The following FBXL7 variants were observed in gnomAD, a reference collection of about 807,000 sequenced individuals.
The protein encoded by FBXL7 is F-box/LRR-repeat protein 7.
Under a neutral mutation model 38.3 loss-of-function variants are expected in FBXL7, and 12 were observed. That is an observed-to-expected ratio of 0.31 (90% CI 0.20 to 0.51). FBXL7 has a LOEUF of 0.51. Ranked by LOEUF, FBXL7 falls within the 20% of genes least tolerant of loss-of-function variation. FBXL7 has a pLI of 0.98. For missense variants in FBXL7, 567 were observed against 676.4 expected, an observed-to-expected ratio of 0.84 and a Z score of 1.79; for synonymous variants, 297 against 300.9, an observed-to-expected ratio of 0.99 and a Z score of 0.13.
At position 15,627,438 on chromosome 5, in the gene FBXL7, A is replaced by C. The variant is rs141150378; in HGVS notation, c.127+11366A>C. On this transcript the variant is annotated intron_variant, in intron 2 of 3. Transcript: ENST00000504595. Reference sequence around the variant, plus strand: ...GGTGTGAAGAGCTGGGAGAAATCTCACTGGGTCCATGTAGGGAAAATGGAA... The same window carrying C: ...GGTGTGAAGAGCTGGGAGAAATCTCCCTGGGTCCATGTAGGGAAAATGGAA... Among the ~76,000 whole-genome samples the C allele has an allele frequency of 4.9e-3, 751 of 152,258 alleles. 4 individuals are homozygous for C. The highest frequency in any genetic ancestry group is 8.8e-3 in the Non-Finnish European group (600 of 68,014).
At chr5:15,633,343 A>AT (rs1741061697) in intron 2 of FBXL7, among the ~76,000 whole-genome samples, 1 of 152,094 alleles carries the variant, frequency 6.6e-6, no homozygotes, top group African/African-American at 2.4e-5. Context: ...CAATTATTTG[A>AT]TTTTGTCAAC....
chr5:15,635,330 T>A (rs1299858879), intron 2 of FBXL7, among the ~76,000 whole-genome samples: 1 of 152,100 alleles, frequency 6.6e-6, no homozygotes, highest in Non-Finnish European at 1.5e-5. Flanking sequence ...GGTCTCTAGG[T>A]AAACAGACCC....
intron 3 of FBXL7, among the ~76,000 whole-genome samples, chr5:15,929,593 C>G (rs1045086712): frequency 1.0e-4 from 15 of 148,904 alleles, no homozygotes; most frequent in Non-Finnish European, 1.2e-4. Flanking sequence ...CACTGCACTC[C>G]AGCCTGGAGG....
chr5:15,662,133 C>G (rs1223572243), intron 2 of FBXL7, among the ~76,000 whole-genome samples: 1 of 152,142 alleles, frequency 6.6e-6, no homozygotes, highest in African/African-American at 2.4e-5. Context: ...AATTTACACT[C>G]CCACCCCAAC....
intron 2 of FBXL7, among the ~76,000 whole-genome samples, chr5:15,752,449 T>C (rs899827090): frequency 6.6e-6 from 1 of 152,106 alleles, no homozygotes; most frequent in Non-Finnish European, 1.5e-5. Flanking sequence ...GGAGAAAATG[T>C]TGGGTAAAAG....
intron 2 of FBXL7, among the ~76,000 whole-genome samples, chr5:15,617,619 A>G (rs1275972509): frequency 6.6e-6 from 1 of 152,078 alleles, no homozygotes; most frequent in Non-Finnish European, 1.5e-5. Context: ...TTGTACTTTT[A>G]GTAGAAATGG....
intron 2 of FBXL7, among the ~76,000 whole-genome samples, chr5:15,637,886 A>G (rs1580425727): frequency 6.6e-6 from 1 of 152,306 alleles, no homozygotes; most frequent in East Asian, 1.9e-4. Flanking sequence ...GTACAAATCA[A>G]CAAGTGTGGA....
intron 2 of FBXL7, among the ~76,000 whole-genome samples, chr5:15,869,415 T>G (rs1181070798): frequency 6.6e-6 from 1 of 152,172 alleles, no homozygotes; most frequent in Admixed American, 6.5e-5. Context: ...CAGCCGTACT[T>G]CCGGCCGACA....
At chr5:15,654,979 A>G (rs1741827454) in intron 2 of FBXL7, among the ~76,000 whole-genome samples, 1 of 152,246 alleles carries the variant, frequency 6.6e-6, no homozygotes, top group South Asian at 2.1e-4. Context: ...ACTGTGGCTC[A>G]CATGAATCTT....
chr5:15,692,915 C>A (rs1743225306), intron 2 of FBXL7, among the ~76,000 whole-genome samples: 1 of 152,138 alleles, frequency 6.6e-6, no homozygotes, highest in Non-Finnish European at 1.5e-5. Context: ...ACTCACCACC[C>A]ATCCTTCCTA....
At chr5:15,848,861 CAA>C (rs1739006840) in intron 2 of FBXL7, among the ~76,000 whole-genome samples, 1 of 152,134 alleles carries the variant, frequency 6.6e-6, no homozygotes, top group Non-Finnish European at 1.5e-5. Context: ...TTACTTCAAA[CAA>C]TATTTTTCAG....
Position 15,927,993 on chromosome 5 carries a change from G to A in FBXL7, c.231G>A (p.Ser77=), listed in dbSNP as rs561477427. 5.0e-6 allele frequency: 8 copies of A among 1,599,478 alleles called. No individual in the cohort carries two copies. The highest frequency in any genetic ancestry group is 4.5e-5 in the East Asian group (2 of 44,674). The change falls in exon 3 of 4, where the codon TCG becomes TCA. Residue 77 remains serine (S), a synonymous_variant. Coordinates refer to ENST00000504595, the MANE Select transcript of FBXL7 (RefSeq NM_012304.5). ...FQNGRGSSTS[S]SSITGETVAM... is the part of the protein sequence containing the mutation. Reference sequence around the variant, plus strand: ...ATGGAAGGGGCTCGTCCACCTCCTCGTCCTCCATCACCGGGGAGACGGTGG... The same window carrying A: ...ATGGAAGGGGCTCGTCCACCTCCTCATCCTCCATCACCGGGGAGACGGTGG...
chr5:15,538,937 G>T (rs550456816), intron 1 of FBXL7, among the ~76,000 whole-genome samples: 1 of 152,266 alleles, frequency 6.6e-6, no homozygotes, highest in East Asian at 1.9e-4. Context: ...AAATAATGTA[G>T]ATGGAGGAGA....
At chr5:15,615,446 A>G (rs944517598) in intron 1 of FBXL7, among the ~76,000 whole-genome samples, 6 of 152,202 alleles carry the variant, frequency 3.9e-5, no homozygotes, top group African/African-American at 1.4e-4. Context: ...AATCATCTCC[A>G]GTTGAGAACT....
intron 1 of FBXL7, among the ~76,000 whole-genome samples, chr5:15,553,233 G>A (rs1561024985): frequency 6.6e-6 from 1 of 152,070 alleles, no homozygotes; most frequent in Non-Finnish European, 1.5e-5. Flanking sequence ...GCAACACCCT[G>A]GCCCACTTGT....
chr5:15,791,195 G>A (rs1460102785), intron 2 of FBXL7, among the ~76,000 whole-genome samples: 1 of 152,124 alleles, frequency 6.6e-6, no homozygotes, highest in East Asian at 1.9e-4. Flanking sequence ...TGAGCACAGT[G>A]TCAAGCTCTT....
intron 1 of FBXL7, among the ~76,000 whole-genome samples, chr5:15,548,267 T>C (rs1737972536): frequency 6.6e-6 from 1 of 152,200 alleles, no homozygotes; most frequent in Non-Finnish European, 1.5e-5. Flanking sequence ...AATGATGCTT[T>C]ATTTGGAATG....
chr5:15,777,748 T>TAAAAAAAAAAAAAAAAAAAAAAAA (rs1250146374), intron 2 of FBXL7, among the ~76,000 whole-genome samples: 87 of 89,436 alleles, frequency 9.7e-4, no homozygotes, highest in African/African-American at 2.0e-3. Flanking sequence ...AAAAAAAAAG[T>TAAAAAAAAAAAAAAAAAAAAAAAA]AAATTCCAGT....
At chr5:15,874,925 T>C (rs1046854736) in intron 2 of FBXL7, among the ~76,000 whole-genome samples, 1 of 152,178 alleles carries the variant, frequency 6.6e-6, no homozygotes, top group Non-Finnish European at 1.5e-5. Flanking sequence ...TTAAATTTCA[T>C]ATGGAATGAA....
Sources: gnomAD v4.1 joint callset for allele counts (sites outside exome capture counted in the v4.1 genomes callset) on GRCh38, gnomAD v4.1.1 for gene constraint, MANE v1.5 for transcripts, NCBI Gene and HGNC (gene_info 2026-07-23, HGNC 2026-07-21) for gene names.